NEK1: variants seen among roughly 807,000 people sequenced by gnomAD.
NEK1 encodes serine/threonine-protein kinase Nek1.
Under a neutral mutation model 182.1 loss-of-function variants are expected in NEK1, and 137 were observed. The observed-to-expected ratio is 0.75, with a 90% CI of 0.65 to 0.87. NEK1 has a LOEUF of 0.87. Among genes scored for constraint, NEK1 ranks in the 40% least tolerant of loss-of-function variants. The probability of loss-of-function intolerance (pLI) is 0.00; values close to 1 mark genes in which losing one functional copy is unlikely to be tolerated. For synonymous variants in NEK1, 513 were observed against 492.2 expected, an observed-to-expected ratio of 1.04 and a Z score of -0.56; for missense variants, 1,391 against 1,494.4, an observed-to-expected ratio of 0.93 and a Z score of 1.14.
At chr4:169,540,950 A>G (rs1200459481) in intron 18 of NEK1, among the ~76,000 whole-genome samples, 1 of 152,024 alleles carries the variant, frequency 6.6e-6, no homozygotes, top group African/African-American at 2.4e-5. Flanking sequence ...TTGTAAACAC[A>G]TGAATAAGCA....
At chr4:169,406,794 AACAT>A in intron 31 of NEK1, 47 bp from the exon 32 acceptor site, 1 of 1,480,530 alleles carries the variant, frequency 6.8e-7, no homozygotes, top group South Asian at 1.3e-5. Context: ...AGATAATTAA[AACAT>A]AAAAATGAGA....
intron 5 of NEK1, 96 bp downstream of exon 5, chr4:169,599,004 T>C: frequency 1.2e-6 from 1 of 844,970 alleles, no homozygotes; most frequent in Non-Finnish European, 1.9e-6. Context: ...GTAATTTTGA[T>C]TAGCATTTGT....
At chr4:169,582,981 C>T (rs1171296183) in intron 10 of NEK1, among the ~76,000 whole-genome samples, 1 of 152,142 alleles carries the variant, frequency 6.6e-6, no homozygotes, top group African/African-American at 2.4e-5. Context: ...GAAGTTGCCA[C>T]AGTGCCCAAG....
In NEK1 at chr4:169,401,815, C is replaced by G. The variant is rs772760832; in HGVS notation, c.3420G>C (p.Ser1140=). The change falls in exon 33 of 36, where the codon TCG becomes TCC. Residue 1140 remains serine (S), a synonymous_variant. Transcript: ENST00000507142. ...TDTDLQELQA[S]MEQLLREQPG... is the part of the protein sequence containing the mutation. ...GTTGTTCCCTAAGTAACTGTTCCAT[C>G]GAGGCCTGCAGCTCTTGTAAATCTG... The G allele has an allele frequency of 6.2e-7, 1 of 1,613,466 alleles. No individual in the cohort carries two copies.
At chr4:169,559,412 A>C (rs1580760739) in intron 16 of NEK1, among the ~76,000 whole-genome samples, 1 of 152,316 alleles carries the variant, frequency 6.6e-6, no homozygotes, top group Admixed American at 6.5e-5. Flanking sequence ...TTCTACTTAA[A>C]GGTAAGATAA....
At chr4:169,499,071 T>C (rs546261396) in intron 23 of NEK1, among the ~76,000 whole-genome samples, 26 of 152,378 alleles carry the variant, frequency 1.7e-4, no homozygotes, top group African/African-American at 6.3e-4. Flanking sequence ...TCTTTTCACA[T>C]AGTCCCATAA....
At chr4:169,525,607 A>G (rs1377721618) in intron 19 of NEK1, among the ~76,000 whole-genome samples, 1 of 152,186 alleles carries the variant, frequency 6.6e-6, no homozygotes, top group East Asian at 1.9e-4. Context: ...TCCAAAATCA[A>G]GCTTTACTAG....
chr4:169,415,958 A>T (rs1734477163), intron 31 of NEK1, among the ~76,000 whole-genome samples: 1 of 152,200 alleles, frequency 6.6e-6, no homozygotes, highest in Non-Finnish European at 1.5e-5. Context: ...GGTAGGAGCA[A>T]GAGGACAAGG....
intron 18 of NEK1, among the ~76,000 whole-genome samples, chr4:169,548,323 T>A (rs1417394225): frequency 2.6e-5 from 4 of 152,240 alleles, no homozygotes; most frequent in African/African-American, 9.6e-5. Context: ...TTGCTGCCTG[T>A]TCCTTCCTCT....
At chr4:169,481,067 AACC>A (rs1747914429) in intron 23 of NEK1, among the ~76,000 whole-genome samples, 1 of 152,214 alleles carries the variant, frequency 6.6e-6, no homozygotes, top group Non-Finnish European at 1.5e-5. Flanking sequence ...CACCTCAAGA[AACC>A]ACTTTATTTG....
rs1409645248 is a variant in NEK1 at position 169,588,652 on chromosome 4, T to C, written c.548A>G (p.Lys183Arg). 6.5e-7 allele frequency: 1 copy of C among 1,528,972 alleles called. No homozygotes were observed. The highest frequency in any genetic ancestry group is 2.5e-5 in the East Asian group (1 of 40,780). 94.7% of individuals were successfully genotyped at this position (1,528,972 alleles called of 1,614,324 possible). Residue 183 changes from lysine (K) to arginine (R), a missense_variant, in exon 8 of 36, where the codon AAA becomes AGA. Lys to Arg is a conservative substitution (Grantham distance 26). Around this residue, in one of 5 missense-constraint regions of NEK1, gnomAD observed 14 missense variants for 34.5 expected, o/e 0.41. Transcript: ENST00000507142. Reference protein sequence around the residue: ...EICENKPYNNKSDIWALGCVL... With the variant: ...EICENKPYNNRSDIWALGCVL... ...TAATGAATATCATTTTAAATACCTT[T>C]TATTATTGTAAGGTTTGTTTTCACA... is the stretch of plus-strand genomic sequence containing the variant.
At chr4:169,491,522 T>G (rs1231920295) in intron 23 of NEK1, among the ~76,000 whole-genome samples, 2 of 152,132 alleles carry the variant, frequency 1.3e-5, no homozygotes, top group Admixed American at 6.5e-5. Flanking sequence ...AAGCTGTTTT[T>G]CAGAAATAAA....
intron 19 of NEK1, among the ~76,000 whole-genome samples, chr4:169,532,190 A>G (rs28417482): frequency 0.088 from 13,394 of 152,208 alleles, 766 homozygotes; most frequent in African/African-American, 0.16. Context: ...GTAACTATAT[A>G]TATTTGTCAA....
chr4:169,573,891 G>A (rs1026526682), intron 12 of NEK1, among the ~76,000 whole-genome samples: 4 of 152,226 alleles, frequency 2.6e-5, no homozygotes, highest in African/African-American at 9.6e-5. Flanking sequence ...AGGCACGGTG[G>A]CTCATGCCTG....
In NEK1 at chr4:169,407,317, T is replaced by C. The variant is rs545599860; in HGVS notation, c.3223-570A>G. Among the ~76,000 whole-genome samples the C allele has an allele frequency of 3.3e-5, 5 of 152,316 alleles. No individual in the cohort carries two copies. The East Asian group carries it at 5.8e-4, about 18-fold the overall frequency. ...ACCACCACACATAACTGACAGCCCC[T>C]TGTATCACTCAATTGTAGGAACTGC... On this transcript the variant is annotated intron_variant, in intron 31 of 35. Coordinates refer to ENST00000507142, the MANE Select transcript of NEK1 (RefSeq NM_001199397.3).
At chr4:169,599,560 C>T (rs1286695577) in intron 4 of NEK1, among the ~76,000 whole-genome samples, 5 of 152,160 alleles carry the variant, frequency 3.3e-5, no homozygotes, top group Admixed American at 2.0e-4. Context: ...CAATATATCA[C>T]ATCAGAGATG....
chr4:169,541,824 A>T (rs948414177), intron 18 of NEK1, among the ~76,000 whole-genome samples: 1 of 152,106 alleles, frequency 6.6e-6, no homozygotes, highest in African/African-American at 2.4e-5. Flanking sequence ...TGTCATTTCA[A>T]CCTTTGGTTA....
At chr4:169,400,475 T>G in intron 34 of NEK1, 46 bp downstream of exon 34, 1 of 1,554,162 alleles carries the variant, frequency 6.4e-7, no homozygotes, top group Non-Finnish European at 8.7e-7. Flanking sequence ...TTCTTCAACC[T>G]TCAAACATAG....
In NEK1 at chr4:169,463,296, T is replaced by C; in HGVS notation, c.2534A>G (p.Glu845Gly). ...PTDSVLKILG[E>G]AELQLQTELL... ...TTCTGTCTGAAGTTGTAGTTCAGCT[T>C]CTCCAAGTATCTTTAGAACAGAATC... Residue 845 changes from glutamate (E) to glycine (G), a missense_variant, in exon 27 of 36, where the codon GAA becomes GGA. Glu to Gly is a moderately conservative substitution (Grantham distance 98, BLOSUM62 -2). Around this residue, in one of 5 missense-constraint regions of NEK1, gnomAD observed 1,216 missense variants for 1,277.6 expected, o/e 0.95. Coordinates refer to ENST00000507142, the MANE Select transcript of NEK1 (RefSeq NM_001199397.3). 6 of 1,603,860 alleles carry C rather than the reference T, an allele frequency of 3.7e-6. No homozygotes were observed. The highest frequency in any genetic ancestry group is 5.1e-6 in the Non-Finnish European group (6 of 1,174,560).
Sources: allele counts gnomAD v4.1 joint callset (sites outside exome capture counted in the v4.1 genomes callset), GRCh38; gene constraint gnomAD v4.1.1; regional missense constraint gnomAD v4.1.1; transcripts MANE v1.5; gene names NCBI Gene and HGNC (gene_info 2026-07-23, HGNC 2026-07-21).